Variants in CLSTN2 observed in about 807,000 individuals in gnomAD.
CLSTN2 encodes calsyntenin 2, also known as calsyntenin-2.
In CLSTN2, 48 loss-of-function variants were observed where a neutral mutation model predicts 101.2. The ratio of observed to expected loss-of-function variants is 0.47; its 90% CI spans 0.38 to 0.60. The LOEUF (loss-of-function observed/expected upper bound fraction) is 0.60. Ranked by LOEUF, CLSTN2 falls within the 20% of genes least tolerant of loss-of-function variation. The pLI, the probability that CLSTN2 is intolerant of heterozygous loss-of-function variation, is 0.00. For missense variants in CLSTN2, 1,160 were observed against 1,238.2 expected, an observed-to-expected ratio of 0.94 and a Z score of 0.95; for synonymous variants, 481 against 463.6, an observed-to-expected ratio of 1.04 and a Z score of -0.48.
chr3:140,416,982 G>A (rs2088438685), intron 4 of CLSTN2, among the ~76,000 whole-genome samples: 2 of 152,166 alleles, frequency 1.3e-5, no homozygotes, highest in African/African-American at 4.8e-5. Context: ...CCATATGAAT[G>A]GAAAAGTGTT....
intron 2 of CLSTN2, among the ~76,000 whole-genome samples, chr3:140,308,762 TCACTC>T (rs1271363831): frequency 6.6e-6 from 1 of 152,188 alleles, no homozygotes; most frequent in Non-Finnish European, 1.5e-5. Context: ...AGCACAGTCT[TCACTC>T]CAGTTTTATG....
chr3:140,118,040 A>G (rs1223000460), intron 1 of CLSTN2, among the ~76,000 whole-genome samples: 2 of 152,130 alleles, frequency 1.3e-5, no homozygotes, highest in Non-Finnish European at 2.9e-5. Context: ...TTGAAGAAGT[A>G]ATTAAGGTAG....
At chr3:140,475,035 T>G (rs1933949370) in intron 8 of CLSTN2, among the ~76,000 whole-genome samples, 1 of 130,356 alleles carries the variant, frequency 7.7e-6, no homozygotes, top group Admixed American at 7.8e-5. Flanking sequence ...CCTCACTTAA[T>G]CTGTCCTCCT....
intron 2 of CLSTN2, among the ~76,000 whole-genome samples, chr3:140,321,882 G>A (rs961566732): frequency 2.0e-5 from 3 of 152,218 alleles, no homozygotes; most frequent in Non-Finnish European, 4.4e-5. Flanking sequence ...GAGAACGCAG[G>A]CTCGTAGGAA....
intron 8 of CLSTN2, among the ~76,000 whole-genome samples, chr3:140,515,544 C>T (rs1934901317): frequency 6.6e-6 from 1 of 151,984 alleles, no homozygotes; most frequent in South Asian, 2.1e-4. Context: ...TTGCTGTATC[C>T]AAGAGGTTTC....
At chr3:140,447,477 C>G (rs538492994) in intron 5 of CLSTN2, among the ~76,000 whole-genome samples, 1 of 152,338 alleles carries the variant, frequency 6.6e-6, no homozygotes, top group African/African-American at 2.4e-5. Context: ...TGTGTACATT[C>G]ACTTGTAGAG....
intron 8 of CLSTN2, among the ~76,000 whole-genome samples, chr3:140,476,074 A>T (rs1933976375): frequency 6.6e-6 from 1 of 152,094 alleles, no homozygotes; most frequent in Non-Finnish European, 1.5e-5. Flanking sequence ...TCCTTTGGGG[A>T]TTGGTGCCAG....
At chr3:140,113,462 T>C (rs188221029) in intron 1 of CLSTN2, among the ~76,000 whole-genome samples, 1 of 152,332 alleles carries the variant, frequency 6.6e-6, no homozygotes, top group East Asian at 1.9e-4. Context: ...ACAGAGCACT[T>C]GTCTGAGCCG....
rs536969314 is a variant in CLSTN2, at chr3:140,359,451, T to G, written c.233-44178T>G. ...GCCAGGGCTGCACTGATGCTAAACA[T>G]TATGTGTACACACATTAAGAAAGGA... On this transcript the variant is annotated intron_variant, in intron 2 of 16. Transcript: ENST00000458420. 2.7e-4 allele frequency among the ~76,000 whole-genome samples: 41 copies of G among 152,366 alleles called. 1 individual carries two copies. The highest frequency in any genetic ancestry group is 1.9e-3 in the South Asian group (9 of 4,826).
At position 140,222,874 on chromosome 3, in the gene CLSTN2, G is replaced by GAAAAAA. The variant is rs3035937; in HGVS notation, c.232+46810_232+46815dup. ...TAGAAATTGAAAATTAAAATTTTAA[G>GAAAAAA]AAAAAAAAAAAAAACACTGCTATGC... On this transcript the variant is annotated intron_variant, in intron 2 of 16. Coordinates refer to ENST00000458420, the MANE Select transcript of CLSTN2 (RefSeq NM_022131.3). 4.8e-3 allele frequency among the ~76,000 whole-genome samples: 685 copies of GAAAAAA among 143,182 alleles called. 6 individuals carry two copies. Among genetic ancestry groups the GAAAAAA allele is most frequent in the African/African-American group, 0.016 (603 of 38,860 alleles). 93.9% of individuals were successfully genotyped at this position (143,182 alleles called of 152,430 possible).
chr3:140,469,691 C>G (rs900129627), intron 8 of CLSTN2, among the ~76,000 whole-genome samples: 2 of 152,188 alleles, frequency 1.3e-5, no homozygotes, highest in Non-Finnish European at 2.9e-5. Context: ...ACGGTCGTGT[C>G]TTACTCATCT....
At chr3:140,109,770 G>A (rs2009122396) in intron 1 of CLSTN2, among the ~76,000 whole-genome samples, 1 of 152,154 alleles carries the variant, frequency 6.6e-6, no homozygotes. Flanking sequence ...AATTAGCCCA[G>A]AGCAAAAGTG....
At chr3:140,143,465 G>A (rs1384245639) in intron 1 of CLSTN2, among the ~76,000 whole-genome samples, 2 of 152,314 alleles carry the variant, frequency 1.3e-5, no homozygotes, top group South Asian at 4.1e-4. Context: ...GAAAATGCCT[G>A]TCCACATTGT....
At chr3:140,341,786 TC>T (rs1393120241) in intron 2 of CLSTN2, among the ~76,000 whole-genome samples, 2 of 152,184 alleles carry the variant, frequency 1.3e-5, no homozygotes, top group East Asian at 3.9e-4. Context: ...AGTTACAATG[TC>T]CTGGCCACAT....
chr3:140,283,597 C>G (rs928251753), intron 2 of CLSTN2, among the ~76,000 whole-genome samples: 1 of 152,174 alleles, frequency 6.6e-6, no homozygotes, highest in Admixed American at 6.5e-5. Flanking sequence ...GACTCCTCCT[C>G]TTGCCTCTAG....
intron 1 of CLSTN2, among the ~76,000 whole-genome samples, chr3:139,997,733 A>G (rs1017874078): frequency 2.6e-5 from 4 of 152,228 alleles, no homozygotes; most frequent in African/African-American, 9.6e-5. Context: ...ATTTTCAAAT[A>G]TACATTTCAA....
chr3:139,990,115 T>G (rs1002980578), intron 1 of CLSTN2, among the ~76,000 whole-genome samples: 14 of 152,244 alleles, frequency 9.2e-5, no homozygotes, highest in Admixed American at 2.6e-4. Flanking sequence ...GTAATGATTG[T>G]GCTGTTATTT....
At chr3:140,511,108 A>G (rs1292711508) in intron 8 of CLSTN2, among the ~76,000 whole-genome samples, 1 of 152,162 alleles carries the variant, frequency 6.6e-6, no homozygotes, top group African/African-American at 2.4e-5. Context: ...AAGTGAGAAC[A>G]TGTGGTGTTT....
At chr3:140,255,190 A>G (rs897235849) in intron 2 of CLSTN2, among the ~76,000 whole-genome samples, 16 of 152,200 alleles carry the variant, frequency 1.1e-4, no homozygotes, top group Non-Finnish European at 2.2e-4. Flanking sequence ...GAATGCTTAT[A>G]CGCTGCTGGT....
Sources: gnomAD v4.1 joint callset for allele counts (sites outside exome capture counted in the v4.1 genomes callset) on GRCh38, gnomAD v4.1.1 for gene constraint, MANE v1.5 for transcripts, NCBI Gene and HGNC (gene_info 2026-07-23, HGNC 2026-07-21) for gene names.